Variants in EXTL2 observed in about 807,000 individuals in gnomAD.
The protein encoded by EXTL2 is exostosin like glycosyltransferase 2.
EXTL2 carries 23 observed loss-of-function variants against 30.7 expected under a neutral mutation model. The ratio of observed to expected loss-of-function variants is 0.75; its 90% CI spans 0.54 to 1.06. EXTL2 has a LOEUF of 1.06. Ranked by LOEUF, EXTL2 falls within the 50% of genes least tolerant of loss-of-function variation. The probability of loss-of-function intolerance (pLI) is 0.00; values close to 1 mark genes in which losing one functional copy is unlikely to be tolerated. For synonymous variants in EXTL2, 123 were observed against 133.8 expected (o/e 0.92, Z 0.56); for missense variants, 352 against 396.3 (o/e 0.89, Z 0.95).
rs185279226 is a variant in EXTL2, at chr1:100,873,450, C to T, written c.*492G>A. 1 of 152,808 alleles carries T rather than the reference C, an allele frequency of 6.5e-6. No homozygotes were observed. Among genetic ancestry groups the T allele is most frequent in the Admixed American group, 6.5e-5 (1 of 15,298 alleles). 9.5% of individuals were successfully genotyped at this position (152,808 alleles called of 1,614,324 possible). On this transcript the variant is annotated 3_prime_UTR_variant, in exon 5 of 5. Coordinates refer to ENST00000370114, the MANE Select transcript of EXTL2 (RefSeq NM_001033025.3). ...GGCAGGGCCACAAGGAAAGCACTGG[C>T]AGCTGCAAATTTTCCTCTTCATATG...
intron 2 of EXTL2, among the ~76,000 whole-genome samples, chr1:100,883,368 C>T (rs776702522): frequency 5.9e-5 from 9 of 152,108 alleles, no homozygotes; most frequent in Non-Finnish European, 1.2e-4. Context: ...CCATTAGCAG[C>T]CAATCCCTAT....
At chr1:100,874,453 A>T in intron 4 of EXTL2, 23 bp from the exon 5 acceptor site, 2 of 1,537,214 alleles carry the variant, frequency 1.3e-6, no homozygotes, top group South Asian at 1.2e-5. Flanking sequence ...AAAAAGAACA[A>T]TAAAATGTCA....
intron 2 of EXTL2, among the ~76,000 whole-genome samples, chr1:100,882,302 G>GGATGCTGCTAAATATCCTGC (rs775719352): frequency 3.3e-5 from 5 of 152,216 alleles, no homozygotes; most frequent in Non-Finnish European, 5.9e-5. Flanking sequence ...TAGATGTTAG[G>GGATGCTGCTAAATATCCTGC]GATGCTGCTA....
intron 2 of EXTL2, among the ~76,000 whole-genome samples, chr1:100,882,659 A>G (rs1197485518): frequency 6.6e-6 from 1 of 152,190 alleles, no homozygotes; most frequent in Non-Finnish European, 1.5e-5. Flanking sequence ...CATTCCTACA[A>G]ATAAATTAAA....
intron 4 of EXTL2, 27 bp downstream of exon 4, chr1:100,876,767 G>A: frequency 7.6e-6 from 12 of 1,572,030 alleles, no homozygotes; most frequent in Non-Finnish European, 1.1e-5. Flanking sequence ...TATAAAGACG[G>A]TTTCATAAAA....
chr1:100,874,326 T>G lies in EXTL2; in HGVS notation c.609A>C (p.Gly203=). The change falls in exon 5 of 5, where the codon GGA becomes GGC. Residue 203 remains glycine (G), a synonymous_variant. Transcript: ENST00000370114. ...GCACCATAGAGTACTGGTCACCATTTCCAGACCCTGGTGCTTGCATTTCAA... is the reference window on the plus strand; with the variant it reads ...GCACCATAGAGTACTGGTCACCATTGCCAGACCCTGGTGCTTGCATTTCAA... ...GSFEMQAPGS[G]NGDQYSMVLI... 1.9e-6 allele frequency: 3 copies of G among 1,612,954 alleles called. No homozygotes were observed. Among genetic ancestry groups the G allele is most frequent in the Non-Finnish European group, 2.5e-6 (3 of 1,179,408 alleles).
At position 100,877,849 on chromosome 1, in the gene EXTL2, T is replaced by C. The variant is rs1557953108; in HGVS notation, c.60A>G (p.Arg20=). The change falls in exon 3 of 5, where the codon CGA becomes CGG. Residue 20 remains arginine (R), a synonymous_variant. Transcript: ENST00000370114. This position sits in a 1 kb window ranked among gnomAD's most constrained non-coding sequence, Gnocchi z 4.1. ...ATACGAGGATGACCACCAAAGATAA[T>C]CGAAGCACTCGAATCCCCATTACTC... ...PGRVMGIRVL[R]LSLVVILVLL... is the part of the protein sequence containing the mutation. 1 of 1,600,152 alleles carries C rather than the reference T, an allele frequency of 6.2e-7. No individual in the cohort carries two copies. The highest frequency in any genetic ancestry group is 1.7e-5 in the Admixed American group (1 of 59,866).
intron 4 of EXTL2, among the ~76,000 whole-genome samples, chr1:100,875,882 C>T (rs1445771897): frequency 6.6e-6 from 1 of 151,548 alleles, no homozygotes; most frequent in Non-Finnish European, 1.5e-5. Flanking sequence ...AACTTTTTGT[C>T]CAAGAAGCTT....
chr1:100,876,459 C>T (rs1248660880), intron 4 of EXTL2, among the ~76,000 whole-genome samples: 2 of 152,036 alleles, frequency 1.3e-5, no homozygotes. Flanking sequence ...ATAGGCTTAT[C>T]ATTTGAGACA....
At chr1:100,879,132 A>G (rs1044534168) in intron 2 of EXTL2, among the ~76,000 whole-genome samples, 8 of 152,186 alleles carry the variant, frequency 5.3e-5, no homozygotes, top group African/African-American at 1.9e-4. Flanking sequence ...ATAGATGCCT[A>G]AAACTCTTAT....
intron 2 of EXTL2, among the ~76,000 whole-genome samples, chr1:100,886,851 T>A (rs1217836039): frequency 6.6e-6 from 1 of 152,136 alleles, no homozygotes; most frequent in Non-Finnish European, 1.5e-5. Flanking sequence ...AGTGAATTAA[T>A]TGTAGCTATT....
intron 1 of EXTL2, among the ~76,000 whole-genome samples, chr1:100,891,468 G>A (rs1650419293): frequency 6.6e-6 from 1 of 152,192 alleles, no homozygotes; most frequent in African/African-American, 2.4e-5. Context: ...GGAAAACTCA[G>A]GGATCAGAGT....
chr1:100,876,921 GT>G, intron 3 of EXTL2, 57 bp from the exon 4 acceptor site: 1 of 1,158,106 alleles, frequency 8.6e-7, no homozygotes, highest in Non-Finnish European at 1.3e-6. Context: ...AACAAAAGTA[GT>G]AAAATACAAT....
intron 1 of EXTL2, among the ~76,000 whole-genome samples, chr1:100,893,718 T>C (rs1286953478): frequency 6.6e-6 from 1 of 152,228 alleles, no homozygotes; most frequent in East Asian, 1.9e-4. Context: ...ATAGAACTTT[T>C]CCTGATTTAA....
intron 2 of EXTL2, among the ~76,000 whole-genome samples, chr1:100,878,938 C>T (rs1649345912): frequency 6.6e-6 from 1 of 152,004 alleles, no homozygotes. Flanking sequence ...GTACAAATCA[C>T]AAGGTATTAT....
At position 100,874,212 on chromosome 1, in the gene EXTL2, T is replaced by G; in HGVS notation, c.723A>C (p.Gln241His). 1 of 1,612,978 alleles carries G rather than the reference T, an allele frequency of 6.2e-7. No homozygotes were observed. The highest frequency in any genetic ancestry group is 8.5e-7 in the Non-Finnish European group (1 of 1,179,444). ...AAVHALIDDTQNCDDIAMNFI... is the reference protein window; with the variant it reads ...AAVHALIDDTHNCDDIAMNFI... ...AATTCATGGCAATATCATCACAGTTTTGAGTATCATCTATCAAAGCATGGA... is the reference window on the plus strand; with the variant it reads ...AATTCATGGCAATATCATCACAGTTGTGAGTATCATCTATCAAAGCATGGA... Residue 241 changes from glutamine to histidine, a missense_variant, in exon 5 of 5, where the codon CAA becomes CAC. Physicochemically the swap from Gln to His is conservative, Grantham distance 24 (BLOSUM62 0). Coordinates refer to ENST00000370114, the MANE Select transcript of EXTL2 (RefSeq NM_001033025.3).
intron 2 of EXTL2, chr1:100,888,202 AT>A (rs2100964216): frequency 6.6e-6 from 1 of 152,388 alleles, no homozygotes. Context: ...AACCAACTCT[AT>A]AGGAGATAAT....
chr1:100,874,363 C>T lies in EXTL2; in HGVS notation c.572G>A (p.Ser191Asn). The T allele has an allele frequency of 6.2e-7, 1 of 1,612,440 alleles. No homozygotes were observed. Among genetic ancestry groups the T allele is most frequent in the Non-Finnish European group, 8.5e-7 (1 of 1,179,084 alleles). ...TGCTTGCATTTCAAAACTTCCATAA[C>T]TGTAGATACCTGATGAAGTAGAGAC... ...KHVSTSSGIY[S>N]YGSFEMQAPG... Residue 191 changes from serine (S) to asparagine (N), a missense_variant, in exon 5 of 5, where the codon AGT becomes AAT. Transcript: ENST00000370114.
intron 2 of EXTL2, among the ~76,000 whole-genome samples, chr1:100,887,539 T>A (rs1423803200): frequency 1.3e-5 from 2 of 152,170 alleles, no homozygotes; most frequent in African/African-American, 4.8e-5. Context: ...ACTGACAATG[T>A]TTCAAATCTT....
Sources: gnomAD v4.1 joint callset for allele counts (sites outside exome capture counted in the v4.1 genomes callset) on GRCh38, gnomAD v4.1.1 for gene constraint, Gnocchi (gnomAD v3.1) non-coding constraint, MANE v1.5 for transcripts, NCBI Gene and HGNC (gene_info 2026-07-23, HGNC 2026-07-21) for gene names.